The following CDHR2 variants were observed in gnomAD, a reference collection of about 807,000 sequenced individuals.
CDHR2 encodes the protein cadherin related family member 2.
CDHR2 carries 104 observed loss-of-function variants against 138.6 expected under a neutral mutation model. The observed-to-expected ratio is 0.75, with a 90% CI of 0.64 to 0.88. The LOEUF (loss-of-function observed/expected upper bound fraction) is 0.88. Among genes scored for constraint, CDHR2 ranks in the 40% least tolerant of loss-of-function variants. The pLI is 0.00. For synonymous variants in CDHR2, 755 were observed against 742.8 expected (o/e 1.02, Z -0.27); for missense variants, 1,624 against 1,727.6 (o/e 0.94, Z 1.06).
At chr5:176,580,597 G>A (rs1156786185) in intron 16 of CDHR2, among the ~76,000 whole-genome samples, 5 of 151,902 alleles carry the variant, frequency 3.3e-5, no homozygotes, top group African/African-American at 4.8e-5. Context: ...AGGGCCAGAC[G>A]TGGTGGCTCA....
upstream of CDHR2, among the ~76,000 whole-genome samples, chr5:176,546,174 C>A (rs1757580707): frequency 6.6e-6 from 1 of 152,212 alleles, no homozygotes; most frequent in African/African-American, 2.4e-5. Flanking sequence ...GTGCCTACTT[C>A]CTTCAGAGAG....
intron 3 of CDHR2, among the ~76,000 whole-genome samples, chr5:176,567,522 C>T (rs566996420): frequency 6.0e-5 from 9 of 149,790 alleles, no homozygotes; most frequent in East Asian, 2.0e-4. Flanking sequence ...GATGGAGTCT[C>T]GCTCTGTCAC....
intron 19 of CDHR2, among the ~76,000 whole-genome samples, chr5:176,585,309 T>C (rs1758632717): frequency 6.6e-6 from 1 of 152,198 alleles, no homozygotes; most frequent in Non-Finnish European, 1.5e-5. Context: ...CAAGATGCTG[T>C]GAAAGAAAGA....
chr5:176,595,020 C>T (rs1346615898), intron 31 of CDHR2, among the ~76,000 whole-genome samples: 1 of 152,200 alleles, frequency 6.6e-6, no homozygotes, highest in Non-Finnish European at 1.5e-5. Flanking sequence ...ACATCATGGA[C>T]ACGCTTTTGA....
Position 176,564,913 on chromosome 5 carries a change from G to T in CDHR2, c.-15-425G>T, listed in dbSNP as rs114945213. On this transcript the variant is annotated intron_variant, in intron 1 of 31. Coordinates refer to ENST00000261944, the MANE Select transcript of CDHR2 (RefSeq NM_017675.6). ...TAGTTTGAACACTTCTAACAGGCAG[G>T]TATAGATGGTGCAGTGGTTGAGAGA... Among the ~76,000 whole-genome samples, 495 of 152,262 alleles carry T rather than the reference G, an allele frequency of 3.3e-3. 7 individuals are homozygous for T. Among genetic ancestry groups the T allele is most frequent in the African/African-American group, 0.011 (475 of 41,542 alleles).
intron 1 of CDHR2, among the ~76,000 whole-genome samples, chr5:176,559,770 TCCCTCCCCCATCAGGAGACATCTGGC>T (rs1299320768): frequency 3.3e-5 from 5 of 152,036 alleles, no homozygotes; most frequent in Non-Finnish European, 5.9e-5. Context: ...ACCACCACTC[TCCCTCCCCCATCAGGAGACATCTGGC>T]CCCTCCCCCA....
At position 176,591,305 on chromosome 5, in the gene CDHR2, A is replaced by C; in HGVS notation, c.3635A>C (p.Asn1212Thr). Residue 1212 changes from asparagine (N) to threonine (T), a missense_variant, in exon 29 of 32, where the codon AAC becomes ACC. Asn to Thr is a moderately conservative substitution (Grantham distance 65). This residue lies in a region of CDHR2 where 556 missense variants were observed against 565.7 expected (regional missense o/e 0.98). Transcript: ENST00000261944. ...TCAGCCCCTGCCATCCCAGGGACTAACATGTACAACACTGAGCGGTGAGCA... is the reference window on the plus strand; with the variant it reads ...TCAGCCCCTGCCATCCCAGGGACTACCATGTACAACACTGAGCGGTGAGCA... ...MPSAPAIPGT[N>T]MYNTERANPM... is the part of the protein sequence containing the mutation. 6.2e-7 allele frequency: 1 copy of C among 1,613,892 alleles called. No individual in the cohort carries two copies. The highest frequency in any genetic ancestry group is 8.5e-7 in the Non-Finnish European group (1 of 1,179,802).
Position 176,584,356 on chromosome 5 carries a change from A to C in CDHR2, c.2129-54A>C, listed in dbSNP as rs1481146383. On this transcript the variant is annotated intron_variant, in intron 18 of 31. Transcript: ENST00000261944. ...GTTCCAAGAGAGGCAAGGGCAGAGG[A>C]GGCTTCCGATGGCGGGGTCAGGAGT... 4 of 1,611,144 alleles carry C rather than the reference A, an allele frequency of 2.5e-6. No individual in the cohort carries two copies. In the East Asian group the frequency reaches 6.7e-5, roughly 27 times the overall value.
At chr5:176,557,388 C>T (rs959264483) in intron 1 of CDHR2, among the ~76,000 whole-genome samples, 10 of 151,818 alleles carry the variant, frequency 6.6e-5, no homozygotes, top group Non-Finnish European at 1.5e-4. Flanking sequence ...GTATTTTTTG[C>T]AGGGACGGGT....
chr5:176,578,714 G>T, intron 16 of CDHR2, 106 bp downstream of exon 16: 1 of 1,468,026 alleles, frequency 6.8e-7, no homozygotes, highest in Non-Finnish European at 9.2e-7. Context: ...GTGTGGCTCT[G>T]AGACAGTCAC....
rs1431566138 is a variant in CDHR2 at position 176,581,498 on chromosome 5, G to A, written c.1974G>A (p.Glu658=). 6.2e-7 allele frequency: 1 copy of A among 1,614,166 alleles called. No homozygotes were observed. Among genetic ancestry groups the A allele is most frequent in the Admixed American group, 1.7e-5 (1 of 60,028 alleles). Residue 658 remains glutamate, a synonymous_variant, in exon 17 of 32, where the codon GAG becomes GAA. Transcript: ENST00000261944. ...LDREAIDPAL[E]GRIVLTVLVS... The stretch of plus-strand genomic sequence containing the variant: ...GAGAGGCCATCGACCCCGCCCTGGA[G>A]GGCCGCATTGTGCTGACAGTGCTTG...
At chr5:176,595,886 G>A (rs1759022187), downstream of CDHR2, 4 of 449,432 alleles carry the variant, frequency 8.9e-6, no homozygotes, top group South Asian at 2.0e-4. Context: ...GGGACACTGA[G>A]TGGTCACAAG....
chr5:176,568,896 G>C, intron 4 of CDHR2, 64 bp from the exon 5 acceptor site: 1 of 1,610,940 alleles, frequency 6.2e-7, no homozygotes, highest in South Asian at 1.1e-5. Flanking sequence ...TCCTGGTGGC[G>C]GCACCCCCTG....
chr5:176,546,686 C>T (rs74447589), upstream of CDHR2, among the ~76,000 whole-genome samples: 8 of 147,750 alleles, frequency 5.4e-5, no homozygotes, highest in African/African-American at 2.0e-4. Flanking sequence ...TTTGGGAGGC[C>T]GACACGGGTG....
intron 1 of CDHR2, among the ~76,000 whole-genome samples, chr5:176,555,576 G>A (rs1757801836): frequency 6.6e-6 from 1 of 152,070 alleles, no homozygotes; most frequent in Non-Finnish European, 1.5e-5. Context: ...AAGGTCTTAA[G>A]AGGAAATTAC....
At chr5:176,579,377 G>A (rs1037988963) in intron 16 of CDHR2, among the ~76,000 whole-genome samples, 1 of 152,248 alleles carries the variant, frequency 6.6e-6, no homozygotes, top group Non-Finnish European at 1.5e-5. Context: ...GGCTCAGAAA[G>A]GTTAAGTGAT....
Position 176,578,478 on chromosome 5 carries a change from G to A in CDHR2, c.1688G>A (p.Gly563Asp), listed in dbSNP as rs1758454426. The A allele has an allele frequency of 6.2e-7, 1 of 1,613,970 alleles. No homozygotes were observed. Among genetic ancestry groups the A allele is most frequent in the East Asian group, 2.2e-5 (1 of 44,880 alleles). Residue 563 changes from glycine to aspartate, a missense_variant, in exon 16 of 32, where the codon GGC (glycine) becomes GAC (aspartate). Coordinates refer to ENST00000261944, the MANE Select transcript of CDHR2 (RefSeq NM_017675.6). ...TACCTGACGCTGCAGGCCACAGACG[G>A]CGGGAACCTGTCCTCCTCCACCACA... ...VYYLTLQATD[G>D]GNLSSSTTLQ...
At chr5:176,594,072 G>A (rs896937744) in intron 31 of CDHR2, among the ~76,000 whole-genome samples, 2 of 152,216 alleles carry the variant, frequency 1.3e-5, no homozygotes, top group African/African-American at 4.8e-5. Flanking sequence ...AGGGAGTGGA[G>A]TTAAGGACCC....
rs1161516636 is a variant in CDHR2, at chr5:176,586,358, G to A, written c.2806+333G>A. On this transcript the variant is annotated intron_variant, in intron 20 of 31. Coordinates refer to ENST00000261944, the MANE Select transcript of CDHR2 (RefSeq NM_017675.6). The stretch of plus-strand genomic sequence containing the variant: ...CTACAGGCATGCGCCACCACACCTG[G>A]CTAATTTTTGTATTTTTAGTAGAGA... 1.4e-4 allele frequency among the ~76,000 whole-genome samples: 22 copies of A among 152,326 alleles called. No homozygotes were observed. The East Asian group carries it at 4.2e-3, about 29-fold the overall frequency.
Sources: gnomAD v4.1 joint callset for allele counts (sites outside exome capture counted in the v4.1 genomes callset) on GRCh38, gnomAD v4.1.1 for gene constraint, gnomAD v4.1.1 regional missense constraint, MANE v1.5 for transcripts, NCBI Gene and HGNC (gene_info 2026-07-23, HGNC 2026-07-21) for gene names.